Variants in EPG5 observed in about 807,000 individuals in gnomAD.
EPG5 encodes the protein ectopic P-granules 5 autophagy tethering factor.
A neutral mutation model predicts 302.7 loss-of-function variants in EPG5; 159 were observed. The ratio of observed to expected loss-of-function variants is 0.53; its 90% CI spans 0.46 to 0.60. EPG5 has a LOEUF of 0.60. EPG5 is among the 20% of genes least tolerant of loss of function. The pLI is 0.00. For missense variants in EPG5, 2,896 were observed against 3,092.4 expected (o/e 0.94, Z 1.51); for synonymous variants, 1,158 against 1,136.8 (o/e 1.02, Z -0.37).
At chr18:45,840,448 C>T in the EPG5 span, among the ~76,000 whole-genome samples, 4 of 152,198 alleles carry the variant, frequency 2.6e-5, no homozygotes, top group Admixed American at 1.3e-4. Context: ...GCCTCGCTGA[C>T]CTGCTCCTCC....
chr18:45,857,716 TTTTTTTTTTC>T (rs2048544652), intron 42 of EPG5, 127 bp downstream of exon 42: 3 of 602,784 alleles, frequency 5.0e-6, no homozygotes, highest in Non-Finnish European at 8.5e-6. Context: ...TTTTTTTTCT[TTTTTTTTTTC>T]CATTAATCTT....
chr18:45,890,103 T>C lies in EPG5; in HGVS notation c.4810-163A>G, dbSNP rs558436766. On this transcript the variant is annotated intron_variant, in intron 27 of 43. Transcript: ENST00000282041. Reference sequence around the variant, plus strand: ...GTAAGATCTTGAATTAATTTATCAATAGTTCAAAGCCTTTTGTAGGATACT... The same window carrying C: ...GTAAGATCTTGAATTAATTTATCAACAGTTCAAAGCCTTTTGTAGGATACT... 1.7e-4 allele frequency: 87 copies of C among 520,486 alleles called. No homozygotes were observed. In the South Asian group the frequency reaches 2.7e-3, roughly 16 times the overall value. The allele number at this position is 520,486 out of a possible 1,614,324, so 32.2% of individuals were successfully genotyped here. A position where few individuals can be genotyped will look rare whatever the true frequency, so the allele number is the denominator to read the frequency against.
chr18:45,912,327 A>C lies in EPG5; in HGVS notation c.3946T>G (p.Phe1316Val). Residue 1316 changes from phenylalanine (F) to valine (V), a missense_variant, in exon 22 of 44, where the codon TTC (phenylalanine) becomes GTC (valine). By Grantham distance (50) the Phe-to-Val change is conservative. Coordinates refer to ENST00000282041, the MANE Select transcript of EPG5 (RefSeq NM_020964.3). ...PLLPLIWQKF[F>V]LLYLHRPGPQ... The stretch of plus-strand genomic sequence containing the variant: ...CCCGGACGGTGAAGATACAGAAGGA[A>C]GAACTTCTGCCAAATGAGTGGCAGG... 2 of 1,607,670 alleles carry C rather than the reference A, an allele frequency of 1.2e-6. No homozygotes were observed. Among genetic ancestry groups the C allele is most frequent in the Non-Finnish European group, 1.7e-6 (2 of 1,178,150 alleles).
Position 45,870,603 on chromosome 18 carries a change from C to A in EPG5, c.6189G>T (p.Leu2063=). The change falls in exon 36 of 44, where the codon CTG becomes CTT. Residue 2063 remains leucine, a synonymous_variant. Coordinates refer to ENST00000282041, the MANE Select transcript of EPG5 (RefSeq NM_020964.3). The stretch of plus-strand genomic sequence containing the variant: ...CCTCCATGAGCATCTGGTCAGGGTG[C>A]AGGTCCTTCCATGGCAGTTTCCGGT... ...STYRKLPWKD[L]HPDQMLMEAF... is the part of the protein sequence containing the mutation. 6.2e-7 allele frequency: 1 copy of A among 1,614,052 alleles called. No homozygotes were observed. Among genetic ancestry groups the A allele is most frequent in the Non-Finnish European group, 8.5e-7 (1 of 1,179,956 alleles).
At chr18:45,948,733 T>C (rs2050841379) in intron 5 of EPG5, among the ~76,000 whole-genome samples, 157 bp from the exon 6 acceptor site, 1 of 152,224 alleles carries the variant, frequency 6.6e-6, no homozygotes, top group Non-Finnish European at 1.5e-5. Flanking sequence ...ATGGGTTACC[T>C]GGTGGCACTG....
intron 11 of EPG5, among the ~76,000 whole-genome samples, chr18:45,934,149 C>T (rs1026235049): frequency 2.0e-5 from 3 of 151,798 alleles, no homozygotes. Context: ...AATAGCCAGG[C>T]GTGATAGCGT....
chr18:45,951,637 T>C (rs1393174883), intron 3 of EPG5, among the ~76,000 whole-genome samples: 2 of 152,066 alleles, frequency 1.3e-5, no homozygotes, highest in Non-Finnish European at 2.9e-5. Flanking sequence ...TTTTGTATTT[T>C]TAGTAGAGAA....
chr18:45,929,612 A>C (rs2050353952), intron 12 of EPG5, among the ~76,000 whole-genome samples: 1 of 152,236 alleles, frequency 6.6e-6, no homozygotes, highest in Non-Finnish European at 1.5e-5. Flanking sequence ...TCAGAATGTA[A>C]TATAGAATGT....
chr18:45,923,462 T>C lies in EPG5; in HGVS notation c.2719-75A>G, dbSNP rs545836093. ...TTTTTGTACCTTTGAATCAAAACATTAGGCAGAATAGTAACAAAGGATCTT... is the reference window on the plus strand; with the variant it reads ...TTTTTGTACCTTTGAATCAAAACATCAGGCAGAATAGTAACAAAGGATCTT... On this transcript the variant is annotated intron_variant, in intron 14 of 43. Transcript: ENST00000282041. The C allele has an allele frequency of 5.5e-6, 8 of 1,452,478 alleles. No individual in the cohort carries two copies. The Middle Eastern group carries it at 5.4e-4, about 97-fold the overall frequency. 90.0% of individuals were successfully genotyped at this position (1,452,478 alleles called of 1,614,324 possible).
the EPG5 span, chr18:45,829,287 C>A: frequency 5.6e-6 from 2 of 356,346 alleles, no homozygotes; most frequent in Non-Finnish European, 7.9e-6. Context: ...TGGCCTTTCA[C>A]TCACTACTCA....
At chr18:45,825,630 A>C in the EPG5 span, 1 of 1,332,446 alleles carries the variant, frequency 7.5e-7, no homozygotes, top group Non-Finnish European at 1.1e-6. Context: ...TGCCCTGCCC[A>C]CCCCCGCCCG....
chr18:45,958,965 G>A (rs907350223), intron 1 of EPG5, among the ~76,000 whole-genome samples: 1 of 152,138 alleles, frequency 6.6e-6, no homozygotes, highest in African/African-American at 2.4e-5. Flanking sequence ...TTTCATCTCT[G>A]ACCAATCAGC....
the EPG5 span, among the ~76,000 whole-genome samples, chr18:45,813,494 T>C: frequency 3.3e-5 from 5 of 152,116 alleles, no homozygotes; most frequent in Non-Finnish European, 7.3e-5. Flanking sequence ...CTATTCACAA[T>C]AGCAAAGACT....
At chr18:45,906,815 C>T (rs1965808) in intron 24 of EPG5, among the ~76,000 whole-genome samples, 103,987 of 152,030 alleles carry the variant, frequency 0.68, 36,017 homozygotes, top group East Asian at 0.87. Flanking sequence ...CCACCATGCC[C>T]GGCTAATTTT....
the EPG5 span, chr18:45,837,881 C>T: frequency 2.6e-6 from 4 of 1,527,376 alleles, no homozygotes; most frequent in East Asian, 2.7e-5. Context: ...CCACGGCGTC[C>T]GGCTGCACGT....
intron 16 of EPG5, among the ~76,000 whole-genome samples, chr18:45,919,514 G>GTTTTT (rs758397737): frequency 2.9e-5 from 4 of 139,874 alleles, no homozygotes; most frequent in African/African-American, 1.1e-4. Flanking sequence ...TACATGTGTG[G>GTTTTT]TTTTTTTTTT....
At chr18:45,884,139 T>G (rs2049165756) in intron 30 of EPG5, among the ~76,000 whole-genome samples, 1 of 152,084 alleles carries the variant, frequency 6.6e-6, no homozygotes, top group Non-Finnish European at 1.5e-5. Flanking sequence ...GGGAATTAGG[T>G]CCTTTTTACA....
At chr18:45,939,856 G>GCAC in intron 9 of EPG5, 101 bp from the exon 10 acceptor site, 4 of 1,082,394 alleles carry the variant, frequency 3.7e-6, no homozygotes, top group Non-Finnish European at 5.3e-6. Context: ...TATTTATTGA[G>GCAC]CACCTACTAT....
intron 11 of EPG5, among the ~76,000 whole-genome samples, chr18:45,932,750 A>G (rs1229159110): frequency 1.3e-5 from 2 of 152,304 alleles, no homozygotes; most frequent in East Asian, 3.9e-4. Context: ...TAGGCAGATG[A>G]AACTTCTCTA....
Sources: gnomAD v4.1 joint callset for allele counts (sites outside exome capture counted in the v4.1 genomes callset) on GRCh38, gnomAD v4.1.1 for gene constraint, MANE v1.5 for transcripts, NCBI Gene and HGNC (gene_info 2026-07-23, HGNC 2026-07-21) for gene names.